Variants in CAMTA1 observed in about 807,000 individuals in gnomAD.
CAMTA1 encodes calmodulin binding transcription activator 1.
In CAMTA1, 27 loss-of-function variants were observed where a neutral mutation model predicts 170.9. The observed-to-expected ratio is 0.16, with a 90% CI of 0.12 to 0.22. CAMTA1 has a LOEUF of 0.22. Ranked by LOEUF, CAMTA1 falls within the 10% of genes least tolerant of loss-of-function variation. The pLI is 1.00. For synonymous variants in CAMTA1, 833 were observed against 891.5 expected, an observed-to-expected ratio of 0.93 and a Z score of 1.17; for missense variants, 1,619 against 2,217.2, an observed-to-expected ratio of 0.73 and a Z score of 5.42.
chr1:7,766,757 CG>C lies in CAMTA1; in HGVS notation c.*269del, dbSNP rs2150345710. ...TGGAACTCAATCTTCTGTTGGATCA[CG>C]GGAAATCAAGACACCCAGGAGGAAT... On this transcript the variant is annotated 3_prime_UTR_variant, in exon 23 of 23. Coordinates refer to ENST00000303635, the MANE Select transcript of CAMTA1 (RefSeq NM_015215.4). 1 of 466,874 alleles carries C rather than the reference CG, an allele frequency of 2.1e-6. No homozygotes were observed. Among genetic ancestry groups the C allele is most frequent in the South Asian group, 3.5e-5 (1 of 28,616 alleles). 28.9% of individuals were successfully genotyped at this position (466,874 alleles called of 1,614,324 possible).
chr1:7,272,466 G>A (rs1669939253), intron 5 of CAMTA1, among the ~76,000 whole-genome samples: 1 of 151,880 alleles, frequency 6.6e-6, no homozygotes, highest in South Asian at 2.1e-4. Flanking sequence ...AACAAAGTTG[G>A]AGAACTAAAA....
At chr1:6,961,011 T>TTTA (rs1444455706) in intron 3 of CAMTA1, among the ~76,000 whole-genome samples, 2 of 151,896 alleles carry the variant, frequency 1.3e-5, no homozygotes, top group Non-Finnish European at 2.9e-5. Context: ...GAGCTGGGAG[T>TTTA]TTTAAACCCA....
intron 6 of CAMTA1, among the ~76,000 whole-genome samples, chr1:7,621,763 G>A (rs941019904): frequency 2.6e-5 from 4 of 152,172 alleles, no homozygotes; most frequent in Non-Finnish European, 5.9e-5. Context: ...GTGCAATCCC[G>A]AGCAGGTCGG....
chr1:6,900,474 TAGAC>T (rs374369698), intron 3 of CAMTA1, among the ~76,000 whole-genome samples: 3 of 152,284 alleles, frequency 2.0e-5, no homozygotes, highest in African/African-American at 7.2e-5. Flanking sequence ...TTTGGAGTTT[TAGAC>T]AGTCAAATTA....
chr1:6,856,967 C>T (rs1432278631), intron 3 of CAMTA1, among the ~76,000 whole-genome samples: 2 of 152,000 alleles, frequency 1.3e-5, no homozygotes, highest in East Asian at 3.9e-4. Flanking sequence ...GAGGCCACAG[C>T]AGGGGTCATG....
intron 3 of CAMTA1, among the ~76,000 whole-genome samples, chr1:6,976,964 T>C (rs72638586): frequency 0.019 from 2,877 of 152,328 alleles, 27 homozygotes; most frequent in Non-Finnish European, 0.021. Flanking sequence ...TCTTGCCTGC[T>C]GCCATGTAAG....
intron 3 of CAMTA1, among the ~76,000 whole-genome samples, chr1:7,052,817 G>A (rs1380826367): frequency 6.6e-6 from 1 of 152,044 alleles, no homozygotes; most frequent in Non-Finnish European, 1.5e-5. Flanking sequence ...GCTGTCCCTC[G>A]ACCCTCCTCC....
At chr1:7,433,142 G>A (rs2092235309) in intron 5 of CAMTA1, among the ~76,000 whole-genome samples, 1 of 152,258 alleles carries the variant, frequency 6.6e-6, no homozygotes, top group Non-Finnish European at 1.5e-5. Context: ...GCTCATGGAG[G>A]TCCCTGAGGG....
At position 6,816,733 on chromosome 1, in the gene CAMTA1, C is replaced by T. The variant is rs142502485; in HGVS notation, c.46-3448C>T. Among the ~76,000 whole-genome samples the T allele has an allele frequency of 3.3e-5, 5 of 152,302 alleles. No homozygotes were observed. In the South Asian group the frequency reaches 6.2e-4, roughly 19 times the overall value. ...AGTGGTGGACTGGAACACACCACCG[C>T]GGCTCTGCAGGTGCTTAAGGCCAGC... On this transcript the variant is annotated intron_variant, in intron 1 of 22. Transcript: ENST00000303635.
intron 6 of CAMTA1, among the ~76,000 whole-genome samples, chr1:7,521,460 TTGTGTG>T (rs577852016): frequency 6.7e-6 from 1 of 149,734 alleles, no homozygotes; most frequent in Non-Finnish European, 1.5e-5. Context: ...TTACTTGCAT[TTGTGTG>T]TGTGTGTGTG....
chr1:6,916,930 A>G (rs1431515862), intron 3 of CAMTA1, among the ~76,000 whole-genome samples: 1 of 152,196 alleles, frequency 6.6e-6, no homozygotes, highest in East Asian at 1.9e-4. Context: ...GTTGAGGTAC[A>G]TGAGGGGACA....
intron 5 of CAMTA1, among the ~76,000 whole-genome samples, chr1:7,318,445 T>G (rs1026128208): frequency 6.6e-6 from 1 of 152,136 alleles, no homozygotes; most frequent in Non-Finnish European, 1.5e-5. Context: ...TTCACAGCCA[T>G]TTTCAGGGGA....
At chr1:7,563,621 G>A (rs1366400861) in intron 6 of CAMTA1, among the ~76,000 whole-genome samples, 3 of 152,216 alleles carry the variant, frequency 2.0e-5, no homozygotes, top group African/African-American at 4.8e-5. Flanking sequence ...GAGACTGGAT[G>A]GCAGCCAGTG....
At chr1:7,275,496 A>G (rs1264083864) in intron 5 of CAMTA1, among the ~76,000 whole-genome samples, 1 of 152,124 alleles carries the variant, frequency 6.6e-6, no homozygotes, top group Non-Finnish European at 1.5e-5. Context: ...TCAAAGATCA[A>G]TAAGTTGAAA....
intron 5 of CAMTA1, among the ~76,000 whole-genome samples, chr1:7,437,509 A>T (rs553247913): frequency 6.6e-6 from 1 of 152,266 alleles, no homozygotes; most frequent in South Asian, 2.1e-4. Context: ...GACACCAGTC[A>T]TGCTGAATCA....
At chr1:7,002,910 A>G (rs1397303377) in intron 3 of CAMTA1, among the ~76,000 whole-genome samples, 1 of 152,174 alleles carries the variant, frequency 6.6e-6, no homozygotes, top group Non-Finnish European at 1.5e-5. Context: ...CCAAACCTGT[A>G]ATGGCCAGCA....
Position 7,440,315 on chromosome 1 carries a change from C to T in CAMTA1, c.439-27515C>T, listed in dbSNP as rs1235018849. On this transcript the variant is annotated intron_variant, in intron 5 of 22. Coordinates refer to ENST00000303635, the MANE Select transcript of CAMTA1 (RefSeq NM_015215.4). The stretch of plus-strand genomic sequence containing the variant: ...GAGCCCCGACCTCTTCCCTCTCCAT[C>T]CTCACTGCAGCCTGGGCAGGCCGGA... 1.2e-3 allele frequency among the ~76,000 whole-genome samples: 189 copies of T among 152,378 alleles called. 3 individuals carry two copies. Among genetic ancestry groups the T allele is most frequent in the Non-Finnish European group, 1.9e-4 (13 of 68,036 alleles).
chr1:7,744,859 C>T lies in CAMTA1; in HGVS notation c.4207C>T (p.His1403Tyr). 6.2e-7 allele frequency: 1 copy of T among 1,613,710 alleles called. No individual in the cohort carries two copies. The highest frequency in any genetic ancestry group is 2.2e-5 in the East Asian group (1 of 44,852). Reference sequence around the variant, plus strand: ...GGTGAACATGATGACCTTGGCAGAACACATTATTGAAGCCACACCTGACCG... The same window carrying T: ...GGTGAACATGATGACCTTGGCAGAATACATTATTGAAGCCACACCTGACCG... ...IQVNMMTLAEHIIEATPDRIK... is the reference protein window; with the variant it reads ...IQVNMMTLAEYIIEATPDRIK... Residue 1403 changes from histidine to tyrosine, a missense_variant, in exon 17 of 23, where the codon CAC (histidine) becomes TAC (tyrosine). Coordinates refer to ENST00000303635, the MANE Select transcript of CAMTA1 (RefSeq NM_015215.4).
At chr1:7,687,949 C>T (rs77721345) in intron 11 of CAMTA1, among the ~76,000 whole-genome samples, 6,988 of 150,682 alleles carry the variant, frequency 0.046, 183 homozygotes, top group Non-Finnish European at 0.059. Context: ...GCCTGCCTGG[C>T]AGGCCTGCTC....
Sources: allele counts gnomAD v4.1 joint callset (sites outside exome capture counted in the v4.1 genomes callset), GRCh38; gene constraint gnomAD v4.1.1; transcripts MANE v1.5; gene names NCBI Gene and HGNC (gene_info 2026-07-23, HGNC 2026-07-21).